SMIM14: variants seen among roughly 807,000 people sequenced by gnomAD.
SMIM14 encodes chromosome 4 open reading frame 34.
A neutral mutation model predicts 12.6 loss-of-function variants in SMIM14; 5 were observed. The ratio of observed to expected loss-of-function variants is 0.40; its 90% CI spans 0.21 to 0.83. The LOEUF is 0.83. Among genes scored for constraint, SMIM14 ranks in the 40% least tolerant of loss-of-function variants. The pLI, the probability that SMIM14 is intolerant of heterozygous loss-of-function variation, is 0.37. For missense variants in SMIM14, 86 were observed against 119.1 expected (o/e 0.72, Z 1.29); for synonymous variants, 30 against 40.1 (o/e 0.75, Z 0.95).
intron 3 of SMIM14, among the ~76,000 whole-genome samples, chr4:39,560,552 C>G (rs543248506): frequency 6.6e-6 from 1 of 151,412 alleles, no homozygotes; most frequent in African/African-American, 2.4e-5. Context: ...CCAGGAAGCA[C>G]GAGGTCAAGA....
intron 3 of SMIM14, among the ~76,000 whole-genome samples, chr4:39,565,640 C>G (rs1464938528): frequency 6.6e-6 from 1 of 152,116 alleles, no homozygotes; most frequent in Non-Finnish European, 1.5e-5. Context: ...GAGTTCTGAG[C>G]AAAATGCAGA....
At chr4:39,593,700 A>G (rs1184282028) in intron 2 of SMIM14, 1 of 151,334 alleles carries the variant, frequency 6.6e-6, no homozygotes. Context: ...CAACTTCAGC[A>G]AAGTCTCAGG....
intron 2 of SMIM14, among the ~76,000 whole-genome samples, chr4:39,597,618 A>G (rs910761188): frequency 1.3e-5 from 2 of 151,728 alleles, no homozygotes; most frequent in Non-Finnish European, 2.9e-5. Context: ...TAATTTTTGT[A>G]TTTTTAGTAG....
chr4:39,584,659 G>A (rs1007368352), intron 2 of SMIM14, among the ~76,000 whole-genome samples: 1 of 150,090 alleles, frequency 6.7e-6, no homozygotes, highest in African/African-American at 2.5e-5. Flanking sequence ...AGCTGGGTGT[G>A]GTGGCACACA....
At chr4:39,607,850 A>G (rs1424424528) in intron 1 of SMIM14, among the ~76,000 whole-genome samples, 1 of 152,218 alleles carries the variant, frequency 6.6e-6, no homozygotes, top group African/African-American at 2.4e-5. Flanking sequence ...AAGATAAGCA[A>G]TTTTTAAATG....
At chr4:39,567,147 A>AG in intron 3 of SMIM14, among the ~76,000 whole-genome samples, 2 of 148,070 alleles carry the variant, frequency 1.4e-5, no homozygotes, top group East Asian at 3.9e-4. Context: ...AAAAAAGAAA[A>AG]AAAAAAAAAA....
chr4:39,550,076 G>A lies in SMIM14; in HGVS notation c.*2050C>T, dbSNP rs900068231. 3.9e-5 allele frequency: 6 copies of A among 152,036 alleles called. No homozygotes were observed. Among genetic ancestry groups the A allele is most frequent in the African/African-American group, 7.3e-5 (3 of 41,356 alleles). The allele number at this position is 152,036 out of a possible 1,614,324, so 9.4% of individuals were successfully genotyped here. On this transcript the variant is annotated 3_prime_UTR_variant, in exon 5 of 5. Transcript: ENST00000295958. Reference sequence around the variant, plus strand: ...AAAATACCTTATGAGTATCACAATTGTATCAGAGACTATTAAACAGTACAA... The same window carrying A: ...AAAATACCTTATGAGTATCACAATTATATCAGAGACTATTAAACAGTACAA...
intron 1 of SMIM14, among the ~76,000 whole-genome samples, chr4:39,609,738 T>A (rs1032293833): frequency 6.6e-6 from 1 of 152,190 alleles, no homozygotes; most frequent in Non-Finnish European, 1.5e-5. Flanking sequence ...TGTGCTTTCA[T>A]CCTGGTGTGT....
chr4:39,558,698 G>A lies in SMIM14; in HGVS notation c.125-2128C>T, dbSNP rs16995384. Among the ~76,000 whole-genome samples the A allele has an allele frequency of 0.11, 17,468 of 152,150 alleles. 2,248 individuals are homozygous for A. Among genetic ancestry groups the A allele is most frequent in the African/African-American group, 0.32 (13,163 of 41,486 alleles). On this transcript the variant is annotated intron_variant, in intron 3 of 4. Transcript: ENST00000295958. The surrounding 1 kb of genome is among the most constrained non-coding windows in gnomAD (Gnocchi z 4.3). ...AAATTACTCAATCAGTTACAAGGAG[G>A]AGAGCAGTTTCTTTTTTTTGTTTGT...
chr4:39,592,293 G>A (rs1045790157), intron 2 of SMIM14, among the ~76,000 whole-genome samples: 1 of 145,058 alleles, frequency 6.9e-6, no homozygotes, highest in African/African-American at 2.6e-5. Flanking sequence ...TTTTAAGACA[G>A]GGTCTCACTT....
chr4:39,605,260 G>T (rs773124689), intron 1 of SMIM14, 80 bp from the exon 2 acceptor site: 10 of 698,622 alleles, frequency 1.4e-5, no homozygotes, highest in Non-Finnish European at 2.1e-5. Context: ...TTCTGATATT[G>T]ATTACATTCA....
chr4:39,560,617 G>A (rs1480193403), intron 3 of SMIM14, among the ~76,000 whole-genome samples: 3 of 151,806 alleles, frequency 2.0e-5, no homozygotes, highest in Non-Finnish European at 4.4e-5. Context: ...CTGCACTCCA[G>A]CCTGGCGACA....
chr4:39,628,665 A>T (rs1715790269), intron 1 of SMIM14, among the ~76,000 whole-genome samples: 1 of 143,326 alleles, frequency 7.0e-6, no homozygotes, highest in Admixed American at 7.2e-5. Context: ...CTGGGTGACA[A>T]GGCGAGACTC....
intron 1 of SMIM14, among the ~76,000 whole-genome samples, chr4:39,620,179 GA>G (rs112205096): frequency 0.13 from 16,996 of 133,300 alleles, 1,417 homozygotes; most frequent in South Asian, 0.32. Flanking sequence ...TCTCTATTAA[GA>G]AAAAAAAAAA....
chr4:39,603,352 A>T (rs1331136540), intron 2 of SMIM14, among the ~76,000 whole-genome samples: 3 of 151,966 alleles, frequency 2.0e-5, no homozygotes, highest in Admixed American at 1.3e-4. Flanking sequence ...AGGTCAGGAG[A>T]TTGAGACCAT....
At chr4:39,618,741 A>G (rs1715319430) in intron 1 of SMIM14, among the ~76,000 whole-genome samples, 1 of 151,628 alleles carries the variant, frequency 6.6e-6, no homozygotes, top group East Asian at 1.9e-4. Flanking sequence ...CACTGACTAC[A>G]CTTCCCAAGC....
chr4:39,576,683 TA>T (rs1218601924), intron 2 of SMIM14, among the ~76,000 whole-genome samples: 9 of 34,564 alleles, frequency 2.6e-4, no homozygotes, highest in Admixed American at 4.3e-4. Flanking sequence ...TATATATATA[TA>T]TTTTTTTTTT....
chr4:39,596,345 T>C (rs186928565), intron 2 of SMIM14, among the ~76,000 whole-genome samples: 50 of 152,258 alleles, frequency 3.3e-4, no homozygotes, highest in African/African-American at 1.1e-3. Flanking sequence ...TCCACTTGCC[T>C]CGGCCTCCCA....
intron 1 of SMIM14, among the ~76,000 whole-genome samples, chr4:39,616,801 C>T (rs1053770119): frequency 2.0e-5 from 3 of 152,082 alleles, no homozygotes; most frequent in Admixed American, 2.0e-4. Flanking sequence ...CCCTGGTTTC[C>T]TCTCTCCTTC....
Sources: gnomAD v4.1 joint callset for allele counts (sites outside exome capture counted in the v4.1 genomes callset) on GRCh38, gnomAD v4.1.1 for gene constraint, Gnocchi (gnomAD v3.1) non-coding constraint, MANE v1.5 for transcripts, NCBI Gene and HGNC (gene_info 2026-07-23, HGNC 2026-07-21) for gene names.